Variants in MORN5 observed in about 807,000 individuals in gnomAD.
The protein encoded by MORN5 is MORN repeat-containing protein 5.
In MORN5, 21 loss-of-function variants were observed where a neutral mutation model predicts 22.1. The ratio of observed to expected loss-of-function variants is 0.95; its 90% CI spans 0.67 to 1.37. The LOEUF is 1.37. Among genes scored for constraint, MORN5 ranks in the 40% most tolerant of loss-of-function variants. The probability of loss-of-function intolerance (pLI) is 0.00; values close to 1 mark genes in which losing one functional copy is unlikely to be tolerated. For missense variants in MORN5, 211 were observed against 215.1 expected (o/e 0.98, Z 0.12); for synonymous variants, 73 against 74.0 (o/e 0.99, Z 0.07).
chr9:122,194,352 G>T (rs1416786236), intron 4 of MORN5, among the ~76,000 whole-genome samples: 1 of 152,198 alleles, frequency 6.6e-6, no homozygotes, highest in Admixed American at 6.5e-5. Flanking sequence ...AGGGCTCCTG[G>T]TCTCACTGGA....
chr9:122,172,824 G>T (rs895133394), intron 3 of MORN5, among the ~76,000 whole-genome samples: 13 of 152,322 alleles, frequency 8.5e-5, no homozygotes, highest in Admixed American at 7.8e-4. Context: ...GCTTAGGGGA[G>T]TTAAGGCAAT....
intron 1 of MORN5, 75 bp from the exon 2 acceptor site, chr9:122,166,693 G>A (rs1829288841): frequency 7.2e-7 from 1 of 1,382,470 alleles, no homozygotes; most frequent in African/African-American, 1.4e-5. Flanking sequence ...CGGGGTTCCT[G>A]CTCACTCTGT....
chr9:122,189,886 G>T (rs558215507), intron 4 of MORN5, among the ~76,000 whole-genome samples: 3 of 152,126 alleles, frequency 2.0e-5, no homozygotes, highest in Non-Finnish European at 2.9e-5. Flanking sequence ...GATTACAGGC[G>T]TGAGCCACCG....
At chr9:122,195,978 A>ATTTATTTATTTATTTATTTC (rs1829880237) in intron 4 of MORN5, among the ~76,000 whole-genome samples, 1 of 151,002 alleles carries the variant, frequency 6.6e-6, no homozygotes, top group Non-Finnish European at 1.5e-5. Flanking sequence ...ATATTTATTT[A>ATTTATTTATTTATTTATTTC]TTTATTTATT....
rs541538550 is a variant in MORN5, at chr9:122,163,308, G to A, written c.47+3289G>A. Among the ~76,000 whole-genome samples, 26 of 152,280 alleles carry A rather than the reference G, an allele frequency of 1.7e-4. No individual in the cohort carries two copies. The East Asian group carries it at 2.3e-3, about 14-fold the overall frequency. On this transcript the variant is annotated intron_variant, in intron 1 of 4. Coordinates refer to ENST00000373764, the MANE Select transcript of MORN5 (RefSeq NM_198469.4). ...TTATCCTATTTTACAGATGGGAAAA[G>A]TAAGGCTCGGAGTAAACCTGCCCAA...
At chr9:122,170,645 A>C (rs1467988357) in intron 3 of MORN5, among the ~76,000 whole-genome samples, 1 of 152,164 alleles carries the variant, frequency 6.6e-6, no homozygotes, top group Non-Finnish European at 1.5e-5. Flanking sequence ...TGTGGAGTTC[A>C]GACATGGTTC....
chr9:122,199,736 A>G, intron 4 of MORN5, 149 bp from the exon 5 acceptor site: 1 of 728,988 alleles, frequency 1.4e-6, no homozygotes. Context: ...TTCAGTGTAA[A>G]TGAAAGGTCT....
At chr9:122,191,354 A>G (rs923977074) in intron 4 of MORN5, among the ~76,000 whole-genome samples, 1 of 152,182 alleles carries the variant, frequency 6.6e-6, no homozygotes, top group Non-Finnish European at 1.5e-5. Context: ...TCGCAGCTTC[A>G]CTGAGCGTAA....
At chr9:122,174,786 G>C (rs1008506143) in intron 4 of MORN5, 159 bp downstream of exon 4, 4 of 1,511,520 alleles carry the variant, frequency 2.6e-6, no homozygotes, top group Non-Finnish European at 3.5e-6. Flanking sequence ...TGGACTTCTC[G>C]TGGCTGGCAA....
chr9:122,195,896 T>G (rs968729195), intron 4 of MORN5, among the ~76,000 whole-genome samples: 1 of 152,198 alleles, frequency 6.6e-6, no homozygotes, highest in Non-Finnish European at 1.5e-5. Flanking sequence ...AGTATCTTTA[T>G]GCAAGGTCTT....
chr9:122,161,310 T>C (rs934999934), intron 1 of MORN5, among the ~76,000 whole-genome samples: 1 of 152,134 alleles, frequency 6.6e-6, no homozygotes, highest in Non-Finnish European at 1.5e-5. Context: ...GTGGTAGGAA[T>C]GCTATGGGAT....
chr9:122,172,369 C>T (rs1179885276), intron 3 of MORN5, among the ~76,000 whole-genome samples: 1 of 146,294 alleles, frequency 6.8e-6, no homozygotes, highest in Non-Finnish European at 1.5e-5. Flanking sequence ...CAGTGACATT[C>T]TCTGGCTCCT....
intron 4 of MORN5, among the ~76,000 whole-genome samples, chr9:122,194,533 C>T (rs1829842356): frequency 6.6e-6 from 1 of 151,968 alleles, no homozygotes; most frequent in Non-Finnish European, 1.5e-5. Flanking sequence ...ACCTGGATGC[C>T]GAGAAGGGGG....
intron 4 of MORN5, among the ~76,000 whole-genome samples, chr9:122,199,287 G>A (rs1829961165): frequency 6.6e-6 from 1 of 152,194 alleles, no homozygotes. Context: ...TAAAACGGTG[G>A]TGAAGGCTTG....
intron 4 of MORN5, among the ~76,000 whole-genome samples, chr9:122,198,716 C>G (rs1829948876): frequency 6.6e-6 from 1 of 152,130 alleles, no homozygotes; most frequent in South Asian, 2.1e-4. Flanking sequence ...CAGCATTGTT[C>G]CTGGTAGTGG....
At chr9:122,175,326 T>C (rs1301730518) in intron 4 of MORN5, 4 of 318,424 alleles carry the variant, frequency 1.3e-5, no homozygotes, top group African/African-American at 9.0e-5. Flanking sequence ...TGCAAGAAGG[T>C]TGGTTCATCC....
chr9:122,192,152 G>T (rs1352128510), intron 4 of MORN5, among the ~76,000 whole-genome samples: 1 of 152,204 alleles, frequency 6.6e-6, no homozygotes, highest in Non-Finnish European at 1.5e-5. Flanking sequence ...CTCAGCATCG[G>T]ATCCAGGCTT....
rs537325847 is a variant in MORN5 at position 122,175,880 on chromosome 9, C to T, written c.439+1253C>T. On this transcript the variant is annotated intron_variant, in intron 4 of 4. Coordinates refer to ENST00000373764, the MANE Select transcript of MORN5 (RefSeq NM_198469.4). ...CTGTAATCCCAGCACTTTGGGAGGC[C>T]GAGGAGGGCGGATCATGAGGTCAGG... 4.6e-5 allele frequency among the ~76,000 whole-genome samples: 7 copies of T among 151,796 alleles called. No homozygotes were observed. The East Asian group carries it at 5.8e-4, about 13-fold the overall frequency.
intron 4 of MORN5, among the ~76,000 whole-genome samples, chr9:122,192,106 G>T (rs1462741863): frequency 1.3e-5 from 2 of 152,222 alleles, no homozygotes; most frequent in Non-Finnish European, 2.9e-5. Flanking sequence ...TCAGAGATGG[G>T]AGTGACGTGT....
Sources: allele counts gnomAD v4.1 joint callset (sites outside exome capture counted in the v4.1 genomes callset), GRCh38; gene constraint gnomAD v4.1.1; transcripts MANE v1.5; gene names NCBI Gene and HGNC (gene_info 2026-07-23, HGNC 2026-07-21).